PARD3B: variants seen among roughly 807,000 people sequenced by gnomAD.
PARD3B encodes par-3 family cell polarity regulator beta, also known as partitioning defective 3 homolog B.
In PARD3B, 103 loss-of-function variants were observed where a neutral mutation model predicts 130.2. The observed-to-expected ratio is 0.79, with a 90% CI of 0.67 to 0.93. The LOEUF is 0.93. Among genes scored for constraint, PARD3B ranks in the 40% least tolerant of loss-of-function variants. The probability of loss-of-function intolerance (pLI) is 0.00; values close to 1 mark genes in which losing one functional copy is unlikely to be tolerated. For synonymous variants in PARD3B, 583 were observed against 553.2 expected (o/e 1.05, Z -0.76); for missense variants, 1,609 against 1,499.2 (o/e 1.07, Z -1.21).
At chr2:204,831,055 T>C (rs1203959753) in intron 2 of PARD3B, among the ~76,000 whole-genome samples, 2 of 152,214 alleles carry the variant, frequency 1.3e-5, no homozygotes, top group East Asian at 1.9e-4. Flanking sequence ...ATTAATTGAA[T>C]AAATAATAGG....
At chr2:205,520,545 A>G (rs2050998423) in intron 21 of PARD3B, among the ~76,000 whole-genome samples, 1 of 152,184 alleles carries the variant, frequency 6.6e-6, no homozygotes, top group Non-Finnish European at 1.5e-5. Context: ...CTGGAAGACA[A>G]CAAGTTTTTA....
chr2:205,609,080 A>G (rs1443746703), intron 22 of PARD3B, among the ~76,000 whole-genome samples: 1 of 152,212 alleles, frequency 6.6e-6, no homozygotes, highest in Non-Finnish European at 1.5e-5. Flanking sequence ...TCAAATGATC[A>G]TTATATTTTA....
chr2:204,587,285 T>A (rs1442092723), intron 1 of PARD3B, among the ~76,000 whole-genome samples: 3 of 152,158 alleles, frequency 2.0e-5, no homozygotes, highest in African/African-American at 7.2e-5. Context: ...AAAGAACTAT[T>A]TTATGGTGGT....
intron 1 of PARD3B, among the ~76,000 whole-genome samples, chr2:204,648,366 G>C (rs1316372013): frequency 6.7e-6 from 1 of 150,158 alleles, no homozygotes; most frequent in Non-Finnish European, 1.5e-5. Context: ...GCCCACTGGT[G>C]GTATTCCATT....
rs1249617331 is a variant in PARD3B at position 205,564,064 on chromosome 2, G to T, written c.3260+10661G>T. On this transcript the variant is annotated intron_variant, in intron 22 of 22. Transcript: ENST00000406610. This position sits in a 1 kb window ranked among gnomAD's most constrained non-coding sequence, Gnocchi z 4.6. ...TAAATATTATCATCCCTATTTTATG[G>T]ATGAAGAAACTGAGACTGGGAGATG... Among the ~76,000 whole-genome samples the T allele has an allele frequency of 6.6e-6, 1 of 152,182 alleles. No homozygotes were observed. Among genetic ancestry groups the T allele is most frequent in the Non-Finnish European group, 1.5e-5 (1 of 68,038 alleles).
At chr2:204,881,674 G>C (rs2046056818) in intron 2 of PARD3B, among the ~76,000 whole-genome samples, 1 of 152,200 alleles carries the variant, frequency 6.6e-6, no homozygotes, top group African/African-American at 2.4e-5. Flanking sequence ...GCAAATTTCT[G>C]ATGGATTCCA....
At chr2:204,824,073 T>A (rs2043473336) in intron 2 of PARD3B, among the ~76,000 whole-genome samples, 1 of 152,128 alleles carries the variant, frequency 6.6e-6, no homozygotes, top group African/African-American at 2.4e-5. Flanking sequence ...TAATCTGAGC[T>A]CCAGATGAAA....
intron 1 of PARD3B, among the ~76,000 whole-genome samples, chr2:204,577,565 C>T (rs1237287279): frequency 6.6e-6 from 1 of 151,998 alleles, no homozygotes; most frequent in African/African-American, 2.4e-5. Flanking sequence ...GGTTTTCTCA[C>T]TTTTATTTGG....
rs1038426932 is a variant in PARD3B at position 205,591,609 on chromosome 2, A to C, written c.3261-23847A>C. ...GGAAACATTCGTTCATTGGAAACCC[A>C]GAACTGTTGTTCCTAACCTCCCTGA... On this transcript the variant is annotated intron_variant, in intron 22 of 22. Coordinates refer to ENST00000406610, the MANE Select transcript of PARD3B (RefSeq NM_001302769.2). This position sits in a 1 kb window ranked among gnomAD's most constrained non-coding sequence, Gnocchi z 4.2. Among the ~76,000 whole-genome samples the C allele has an allele frequency of 6.6e-6, 1 of 152,228 alleles. No homozygotes were observed. Among genetic ancestry groups the C allele is most frequent in the African/African-American group, 2.4e-5 (1 of 41,466 alleles).
chr2:204,985,879 T>C (rs1028795285), intron 3 of PARD3B, among the ~76,000 whole-genome samples: 3 of 152,006 alleles, frequency 2.0e-5, no homozygotes, highest in Non-Finnish European at 4.4e-5. Context: ...GGTGGGTGGA[T>C]TGCCTGAGCT....
In PARD3B at chr2:205,553,400, C is replaced by T; in HGVS notation, c.3257C>T (p.Pro1086Leu). The T allele has an allele frequency of 6.2e-7, 1 of 1,613,726 alleles. No homozygotes were observed. Among genetic ancestry groups the T allele is most frequent in the South Asian group, 1.1e-5 (1 of 91,050 alleles). The change falls in exon 22 of 23, where the codon CCC (proline) becomes CTC (leucine). Residue 1086 changes from proline to leucine, a missense_variant. Transcript: ENST00000406610. ...EGMERQYASL[P>L]RGGPADPVDY... Reference sequence around the variant, plus strand: ...ATGGAGAGGCAGTACGCATCCTTACCCAGGTAGATCACGGAGAGGTCTCCC... The same window carrying T: ...ATGGAGAGGCAGTACGCATCCTTACTCAGGTAGATCACGGAGAGGTCTCCC...
chr2:205,412,265 C>T (rs960034719), intron 19 of PARD3B, among the ~76,000 whole-genome samples: 2 of 152,102 alleles, frequency 1.3e-5, no homozygotes, highest in East Asian at 1.9e-4. Context: ...CCTTTGTTAG[C>T]ATCTCATATT....
At chr2:205,261,991 C>G (rs754739551) in intron 16 of PARD3B, among the ~76,000 whole-genome samples, 1 of 152,108 alleles carries the variant, frequency 6.6e-6, no homozygotes, top group African/African-American at 2.4e-5. Context: ...AAAACCAGTC[C>G]TATTTATTCT....
intron 1 of PARD3B, among the ~76,000 whole-genome samples, chr2:204,671,653 C>G (rs1549012): frequency 0.74 from 112,138 of 152,066 alleles, 42,265 homozygotes; most frequent in South Asian, 0.81. Flanking sequence ...GGTTTTGTTT[C>G]TTAATTTCCT....
At chr2:204,725,324 C>A (rs547044633) in intron 2 of PARD3B, among the ~76,000 whole-genome samples, 112 of 152,246 alleles carry the variant, frequency 7.4e-4, no homozygotes, top group African/African-American at 2.3e-3. Flanking sequence ...AAAAGCAAGA[C>A]AAATTGCTTT....
In PARD3B at chr2:205,288,155, C is replaced by A. The variant is rs1383596275; in HGVS notation, c.2186-12375C>A. 6.6e-6 allele frequency among the ~76,000 whole-genome samples: 1 copy of A among 152,122 alleles called. No homozygotes were observed. The highest frequency in any genetic ancestry group is 1.5e-5 in the Non-Finnish European group (1 of 68,020). ...CCGGCCATGACAGTCACAATGAAGC[C>A]ATGCCAGGAGGAAGCCTAGGGGTAG... On this transcript the variant is annotated intron_variant, in intron 16 of 22. Transcript: ENST00000406610. This position sits in a 1 kb window ranked among gnomAD's most constrained non-coding sequence, Gnocchi z 4.0.
chr2:204,953,544 A>G (rs926937220), intron 2 of PARD3B, among the ~76,000 whole-genome samples: 1 of 152,066 alleles, frequency 6.6e-6, no homozygotes, highest in Non-Finnish European at 1.5e-5. Context: ...ACACAAACAC[A>G]CTACAGACAC....
At position 205,397,358 on chromosome 2, in the gene PARD3B, A is replaced by G. The variant is rs971089134; in HGVS notation, c.2631-3655A>G. 6.6e-6 allele frequency among the ~76,000 whole-genome samples: 1 copy of G among 152,194 alleles called. No individual in the cohort carries two copies. Among genetic ancestry groups the G allele is most frequent in the Non-Finnish European group, 1.5e-5 (1 of 68,030 alleles). ...TTTATAATATTTGTAGAATTGCTTGATTTGACTGTTATTGGCAGTTCTTGC... is the reference window on the plus strand; with the variant it reads ...TTTATAATATTTGTAGAATTGCTTGGTTTGACTGTTATTGGCAGTTCTTGC... On this transcript the variant is annotated intron_variant, in intron 18 of 22. Transcript: ENST00000406610. The surrounding 1 kb of genome is among the most constrained non-coding windows in gnomAD (Gnocchi z 4.8).
At chr2:204,880,295 A>G (rs905438085) in intron 2 of PARD3B, among the ~76,000 whole-genome samples, 10 of 152,194 alleles carry the variant, frequency 6.6e-5, no homozygotes, top group African/African-American at 2.2e-4. Context: ...TATGATACCT[A>G]CTATTATGTG....
Sources: gnomAD v4.1 joint callset for allele counts (sites outside exome capture counted in the v4.1 genomes callset) on GRCh38, gnomAD v4.1.1 for gene constraint, Gnocchi (gnomAD v3.1) non-coding constraint, MANE v1.5 for transcripts, NCBI Gene and HGNC (gene_info 2026-07-23, HGNC 2026-07-21) for gene names.